Variants in TENM2 observed in about 807,000 individuals in gnomAD.
TENM2 encodes teneurin transmembrane protein 2.
Under a neutral mutation model 245.2 loss-of-function variants are expected in TENM2, and 52 were observed. That is an observed-to-expected ratio of 0.21 (90% CI 0.17 to 0.27). The LOEUF (loss-of-function observed/expected upper bound fraction) is 0.27. Ranked by LOEUF, TENM2 falls within the 10% of genes least tolerant of loss-of-function variation. The pLI, the probability that TENM2 is intolerant of heterozygous loss-of-function variation, is 1.00. For missense variants in TENM2, 3,046 were observed against 3,666.8 expected (o/e 0.83, Z 4.37); for synonymous variants, 1,363 against 1,438.9 (o/e 0.95, Z 1.19).
chr5:167,810,550 A>G (rs1766558375), intron 2 of TENM2, among the ~76,000 whole-genome samples: 1 of 151,920 alleles, frequency 6.6e-6, no homozygotes, highest in African/African-American at 2.4e-5. Context: ...TGTTGAGCTT[A>G]CAGGATTATT....
chr5:167,621,205 T>C (rs1778151358), intron 2 of TENM2, among the ~76,000 whole-genome samples: 1 of 152,182 alleles, frequency 6.6e-6, no homozygotes, highest in Non-Finnish European at 1.5e-5. Flanking sequence ...GGACCAGGCA[T>C]TAATTACCTA....
chr5:167,299,876 G>A (rs765167696), intron 1 of TENM2, among the ~76,000 whole-genome samples: 2 of 152,130 alleles, frequency 1.3e-5, no homozygotes, highest in African/African-American at 2.4e-5. Flanking sequence ...AGCTGAAGGA[G>A]CCAGGGAGCA....
intron 2 of TENM2, among the ~76,000 whole-genome samples, chr5:167,845,277 A>G (rs1387362376): frequency 1.5e-5 from 1 of 68,224 alleles, no homozygotes; most frequent in East Asian, 4.9e-4. Context: ...ACACACACAC[A>G]CACAACACGG....
At chr5:167,074,545 G>A in the TENM2 span, among the ~76,000 whole-genome samples, 2 of 152,218 alleles carry the variant, frequency 1.3e-5, no homozygotes, top group East Asian at 1.9e-4. Context: ...ACAATTAAAT[G>A]AGATGATGCA....
intron 2 of TENM2, among the ~76,000 whole-genome samples, chr5:167,478,741 C>A (rs962958122): frequency 1.6e-4 from 25 of 152,078 alleles, no homozygotes; most frequent in Admixed American, 2.6e-4. Context: ...TAGTAGCAAA[C>A]CATTTTTAAA....
chr5:167,463,929 T>A (rs1052756839), intron 2 of TENM2, among the ~76,000 whole-genome samples: 8 of 152,194 alleles, frequency 5.3e-5, no homozygotes, highest in Non-Finnish European at 1.0e-4. Context: ...GAATTTAGAA[T>A]GTTTGCTGTG....
chr5:168,139,621 T>C (rs1048661372), intron 12 of TENM2: 6 of 454,730 alleles, frequency 1.3e-5, no homozygotes, highest in Non-Finnish European at 2.2e-5. Flanking sequence ...GAATTAAGTA[T>C]CTGTGTTGAT....
intron 2 of TENM2, among the ~76,000 whole-genome samples, chr5:167,387,521 G>T (rs1761509775): frequency 6.6e-6 from 1 of 152,028 alleles, no homozygotes; most frequent in African/African-American, 2.4e-5. Context: ...TCTTTCTCTT[G>T]TCTGATTGCT....
chr5:167,031,714 G>T, the TENM2 span, among the ~76,000 whole-genome samples: 1 of 152,014 alleles, frequency 6.6e-6, no homozygotes, highest in Non-Finnish European at 1.5e-5. Flanking sequence ...ACAGGCATGC[G>T]CTACCACGCC....
intron 2 of TENM2, among the ~76,000 whole-genome samples, chr5:167,760,652 G>T (rs1169977153): frequency 6.6e-6 from 1 of 152,074 alleles, no homozygotes; most frequent in Non-Finnish European, 1.5e-5. Flanking sequence ...TGTTATTGTT[G>T]TTGTTGCTGT....
chr5:167,941,612 C>G (rs1231221185), intron 3 of TENM2, among the ~76,000 whole-genome samples: 1 of 148,830 alleles, frequency 6.7e-6, no homozygotes, highest in Non-Finnish European at 1.5e-5. Flanking sequence ...TCTGGGAGGC[C>G]AAGGTGGGAG....
chr5:167,112,270 A>T, the TENM2 span, among the ~76,000 whole-genome samples: 27 of 152,352 alleles, frequency 1.8e-4, no homozygotes, highest in African/African-American at 6.5e-4. Context: ...TCCTTTTCAC[A>T]CACGGTGGTA....
At chr5:167,872,543 AG>A (rs1773046138) in intron 2 of TENM2, among the ~76,000 whole-genome samples, 8 of 46,878 alleles carry the variant, frequency 1.7e-4, no homozygotes, top group South Asian at 7.6e-4. Flanking sequence ...AAAGAAAGAA[AG>A]AAAGAGAAAG....
At chr5:167,172,480 C>A in the TENM2 span, among the ~76,000 whole-genome samples, 2 of 152,056 alleles carry the variant, frequency 1.3e-5, no homozygotes, top group Non-Finnish European at 2.9e-5. Flanking sequence ...GAAGTGACAC[C>A]CAGACTTTCT....
At chr5:167,371,199 C>T (rs183372006) in intron 1 of TENM2, among the ~76,000 whole-genome samples, 47 of 152,210 alleles carry the variant, frequency 3.1e-4, no homozygotes, top group Admixed American at 1.7e-3. Flanking sequence ...AATCCCCAGT[C>T]CTTTGGAGTG....
intron 2 of TENM2, among the ~76,000 whole-genome samples, chr5:167,515,670 T>TATATATATACACATATATAC (rs1562019105): frequency 6.1e-5 from 2 of 32,868 alleles, no homozygotes; most frequent in South Asian, 4.0e-3. Context: ...CGTATATATG[T>TATATATATACACATATATAC]GTATATATAT....
intron 2 of TENM2, among the ~76,000 whole-genome samples, chr5:167,414,390 AATTG>A (rs1187649659): frequency 6.6e-6 from 1 of 152,160 alleles, no homozygotes; most frequent in Admixed American, 6.6e-5. Flanking sequence ...ATCTTTAAAA[AATTG>A]ATTGGAATGA....
intron 2 of TENM2, among the ~76,000 whole-genome samples, chr5:167,380,073 A>G (rs1407182050): frequency 3.3e-5 from 5 of 152,122 alleles, no homozygotes; most frequent in African/African-American, 1.2e-4. Flanking sequence ...GTTATCATGG[A>G]TTTAAAAAAA....
At chr5:167,133,610 C>G in the TENM2 span, among the ~76,000 whole-genome samples, 1 of 64,174 alleles carries the variant, frequency 1.6e-5, no homozygotes, top group African/African-American at 8.4e-5. Context: ...TAAAGGCACT[C>G]AAACTTGGAA....
Sources: gnomAD v4.1 joint callset for allele counts (sites outside exome capture counted in the v4.1 genomes callset) on GRCh38, gnomAD v4.1.1 for gene constraint, MANE v1.5 for transcripts, NCBI Gene and HGNC (gene_info 2026-07-23, HGNC 2026-07-21) for gene names.